Variants in MED4 observed in about 807,000 individuals in gnomAD.
MED4 encodes the protein mediator complex subunit 4, also known as mediator of RNA polymerase II transcription subunit 4.
A neutral mutation model predicts 35.0 loss-of-function variants in MED4; 21 were observed. The ratio of observed to expected loss-of-function variants is 0.60; its 90% confidence interval spans 0.43 to 0.86. The LOEUF (loss-of-function observed/expected upper bound fraction) is 0.86, where lower values mean the gene tolerates loss of function less well. Ranked by LOEUF, MED4 falls within the 40% of genes least tolerant of loss-of-function variation. The pLI is 0.00. For synonymous variants in MED4, 138 were observed against 114.0 expected, an observed-to-expected ratio of 1.21 and a Z score of -1.34; for missense variants, 300 against 319.4, an observed-to-expected ratio of 0.94 and a Z score of 0.46.
rs946763401 is a variant in MED4, at chr13:48,085,058, T to C, written c.363+1224A>G. On this transcript the variant is annotated intron_variant, in intron 3 of 6. Transcript: ENST00000258648. ...AATTTTTTTGTATTTTTAGTAGAGA[T>C]GGATTTCACCATGTTGACTAGGCTA... Among the ~76,000 whole-genome samples the C allele has an allele frequency of 9.2e-5, 14 of 151,630 alleles. No homozygotes were observed. The East Asian group carries it at 2.1e-3, about 23-fold the overall frequency.
At chr13:48,094,883 G>A in intron 1 of MED4, 71 bp downstream of exon 1, 3 of 1,570,282 alleles carry the variant, frequency 1.9e-6, no homozygotes, top group East Asian at 2.3e-5. Flanking sequence ...GAGCACAAAC[G>A]CAGGGCCGGC....
At chr13:48,086,871 G>A (rs1256820560) in intron 2 of MED4, among the ~76,000 whole-genome samples, 2 of 152,066 alleles carry the variant, frequency 1.3e-5, no homozygotes, top group African/African-American at 4.8e-5. Context: ...CCAACATGGT[G>A]AAACCCCATC....
intron 1 of MED4, among the ~76,000 whole-genome samples, chr13:48,090,854 A>G (rs1392043105): frequency 1.3e-5 from 2 of 152,266 alleles, no homozygotes; most frequent in Non-Finnish European, 2.9e-5. Context: ...AAACTCATAC[A>G]TCAGGGGTCT....
chr13:48,087,526 A>G (rs1950859668), intron 2 of MED4, among the ~76,000 whole-genome samples: 1 of 151,962 alleles, frequency 6.6e-6, no homozygotes, highest in Admixed American at 6.5e-5. Context: ...GTTTATGCAC[A>G]GTATTGTTTA....
chr13:48,082,296 GA>G (rs35144772), intron 4 of MED4, among the ~76,000 whole-genome samples: 5,360 of 149,210 alleles, frequency 0.036, 212 homozygotes, highest in East Asian at 0.098. Flanking sequence ...CACAGATCTA[GA>G]AAAAAAAAAT....
At chr13:48,083,970 A>G (rs1453318165) in intron 3 of MED4, among the ~76,000 whole-genome samples, 1 of 152,198 alleles carries the variant, frequency 6.6e-6, no homozygotes, top group Admixed American at 6.5e-5. Context: ...GGTTAAGAGT[A>G]TGGAGTCAGG....
At position 48,077,267 on chromosome 13, in the gene MED4, T is replaced by C. The variant is rs1270978819; in HGVS notation, c.685A>G (p.Met229Val). Residue 229 changes from methionine (M) to valine (V), a missense_variant, in exon 7 of 7, where the codon ATG (methionine) becomes GTG (valine). Physicochemically the swap from Met to Val is conservative, Grantham distance 21 (BLOSUM62 1). Coordinates refer to ENST00000258648, the MANE Select transcript of MED4 (RefSeq NM_014166.4). ...CTATGATTTGGTGGTAACATATTCA[T>C]CGACATGTCATTTGACTGCCATGGA... is the stretch of plus-strand genomic sequence containing the variant. ...QYPWQSNDMS[M>V]NMLPPNHSSD... 2 of 1,569,392 alleles carry C rather than the reference T, an allele frequency of 1.3e-6. No individual in the cohort carries two copies. The highest frequency in any genetic ancestry group is 1.2e-5 in the South Asian group (1 of 83,954).
At position 48,095,023 on chromosome 13, in the gene MED4, CCCAA is replaced by C; in HGVS notation, c.52_55del (p.Leu18GlufsTer27). 6.2e-7 allele frequency: 1 copy of C among 1,606,438 alleles called. No homozygotes were observed. Among genetic ancestry groups the C allele is most frequent in the East Asian group, 2.2e-5 (1 of 44,868 alleles). On this transcript the variant is annotated frameshift_variant, in exon 1 of 7. Coordinates refer to ENST00000258648, the MANE Select transcript of MED4 (RefSeq NM_014166.4). LOFTEE classifies it high-confidence loss of function. ...TCGTGTGCTGTTACCACCCGCCACT[CCCAA>C]ACCGCCTCCCAGCCGCTCCTTCTCC...
At position 48,095,101 on chromosome 13, in the gene MED4, GCGC is replaced by G. The variant is rs1950921225; in HGVS notation, c.-26_-24del. ...CATTTTCCCCAGAGTCCCGCCACCG[GCGC>G]ACGCGCAGAGCGAGCTGACGCAGGT... On this transcript the variant is annotated 5_prime_UTR_variant, in exon 1 of 7. Transcript: ENST00000258648. The G allele has an allele frequency of 1.2e-6, 2 of 1,600,422 alleles. No homozygotes were observed. Among genetic ancestry groups the G allele is most frequent in the African/African-American group, 2.7e-5 (2 of 74,916 alleles).
intron 2 of MED4, among the ~76,000 whole-genome samples, chr13:48,089,960 T>A (rs183426539): frequency 6.6e-6 from 1 of 152,346 alleles, no homozygotes; most frequent in African/African-American, 2.4e-5. Context: ...CATGTTCAAG[T>A]TGCATTAGGG....
chr13:48,084,052 G>A (rs9534950), intron 3 of MED4, among the ~76,000 whole-genome samples: 2 of 151,838 alleles, frequency 1.3e-5, no homozygotes, highest in Non-Finnish European at 1.5e-5. Flanking sequence ...TTTGAGATCA[G>A]GAGTCTGAGA....
At position 48,081,682 on chromosome 13, in the gene MED4, T is replaced by G. The variant is rs769305882; in HGVS notation, c.471A>C (p.Ala157=). The change falls in exon 5 of 7, where the codon GCA becomes GCC. Residue 157 remains alanine, a synonymous_variant. Coordinates refer to ENST00000258648, the MANE Select transcript of MED4 (RefSeq NM_014166.4). ...TCAGTGGAGCACATACAGCATTACT[T>G]GCACTGATCCTATGTGCATACTTAA... ...EIIKYAHRIS[A]SNAVCAPLTW... The G allele has an allele frequency of 4.3e-6, 7 of 1,612,624 alleles. No homozygotes were observed. The highest frequency in any genetic ancestry group is 5.9e-6 in the Non-Finnish European group (7 of 1,179,418).
intron 3 of MED4, among the ~76,000 whole-genome samples, chr13:48,084,376 T>C (rs1018288012): frequency 1.3e-5 from 2 of 152,276 alleles, no homozygotes; most frequent in African/African-American, 4.8e-5. Context: ...TATTGGTTTC[T>C]TCCTCTAAAT....
chr13:48,081,668 C>T lies in MED4; in HGVS notation c.485G>A (p.Cys162Tyr). 6.2e-7 allele frequency: 1 copy of T among 1,611,764 alleles called. No homozygotes were observed. The highest frequency in any genetic ancestry group is 2.2e-5 in the East Asian group (1 of 44,730). Residue 162 changes from cysteine (C) to tyrosine (Y), a missense_variant, in exon 5 of 7, where the codon TGT (cysteine) becomes TAT (tyrosine). Physicochemically the swap from Cys to Tyr is radical, Grantham distance 194. Coordinates refer to ENST00000258648, the MANE Select transcript of MED4 (RefSeq NM_014166.4). ...ACCTGGAACCCAGGTCAGTGGAGCA[C>T]ATACAGCATTACTTGCACTGATCCT... The part of the protein sequence containing the change: ...AHRISASNAV[C>Y]APLTWVPGDP...
chr13:48,085,480 C>A (rs988302746), intron 3 of MED4, among the ~76,000 whole-genome samples: 1 of 152,196 alleles, frequency 6.6e-6, no homozygotes, highest in Non-Finnish European at 1.5e-5. Flanking sequence ...CATTAGCCAC[C>A]ATGCCCGGCC....
intron 1 of MED4, 65 bp from the exon 2 acceptor site, chr13:48,090,483 C>A (rs1044173936): frequency 3.9e-6 from 5 of 1,276,292 alleles, no homozygotes; most frequent in Admixed American, 2.3e-5. Context: ...CAGGGCTACT[C>A]CCTACAGTCC....
intron 2 of MED4, among the ~76,000 whole-genome samples, chr13:48,088,844 C>T (rs745378183): frequency 6.2e-4 from 95 of 152,030 alleles, no homozygotes; most frequent in Non-Finnish European, 1.2e-3. Flanking sequence ...AAAATGGTGG[C>T]TAGAAAATTT....
chr13:48,094,385 C>T (rs530137301), intron 1 of MED4, among the ~76,000 whole-genome samples: 1 of 152,182 alleles, frequency 6.6e-6, no homozygotes, highest in Admixed American at 6.5e-5. Flanking sequence ...ATCTCTGACA[C>T]ACAACCATCC....
intron 1 of MED4, among the ~76,000 whole-genome samples, chr13:48,092,284 T>C (rs1057358507): frequency 6.6e-6 from 1 of 151,976 alleles, no homozygotes; most frequent in African/African-American, 2.4e-5. Flanking sequence ...ATTTTGTATT[T>C]TTTTTTTAGT....
Sources: allele counts gnomAD v4.1 joint callset (sites outside exome capture counted in the v4.1 genomes callset), GRCh38; gene constraint gnomAD v4.1.1; transcripts MANE v1.5; gene names NCBI Gene and HGNC (gene_info 2026-07-23, HGNC 2026-07-21).